Variants in HTR4 observed in about 807,000 individuals in gnomAD.
HTR4 encodes the protein 5-hydroxytryptamine (serotonin) receptor 4, G protein-coupled.
Under a neutral mutation model 36.8 loss-of-function variants are expected in HTR4, and 16 were observed. The observed-to-expected ratio is 0.43, with a 90% confidence interval of 0.29 to 0.66. HTR4 has a LOEUF of 0.66. Among genes scored for constraint, HTR4 ranks in the 30% least tolerant of loss-of-function variants. The pLI is 0.13. For missense variants in HTR4, 438 were observed against 490.9 expected (o/e 0.89, Z 1.02); for synonymous variants, 189 against 185.1 (o/e 1.02, Z -0.17).
chr5:148,453,937 T>C (rs1755035632), intron 5 of HTR4, among the ~76,000 whole-genome samples: 1 of 152,194 alleles, frequency 6.6e-6, no homozygotes, highest in Non-Finnish European at 1.5e-5. Context: ...ATGGTCAGAC[T>C]CTGGATATAG....
Position 148,525,604 on chromosome 5 carries a change from C to G in HTR4, c.354-2258G>C, listed in dbSNP as rs545254485. The stretch of plus-strand genomic sequence containing the variant: ...GAGGGCTTTTTATCTCAGCAGCAGC[C>G]CCCTGGTAGGGCTGGGGATTCATTC... On this transcript the variant is annotated intron_variant, in intron 4 of 6. Coordinates refer to ENST00000377888, the MANE Select transcript of HTR4 (RefSeq NM_000870.7). 4.6e-5 allele frequency among the ~76,000 whole-genome samples: 7 copies of G among 152,282 alleles called. No homozygotes were observed. The South Asian group carries it at 1.5e-3, about 32-fold the overall frequency.
chr5:148,497,273 T>G (rs1165004581), intron 6 of HTR4, among the ~76,000 whole-genome samples: 1 of 152,164 alleles, frequency 6.6e-6, no homozygotes, highest in Non-Finnish European at 1.5e-5. Context: ...TTTTTCTTAA[T>G]TCACATACTA....
At chr5:148,550,324 C>T (rs1254353837) in intron 2 of HTR4, 62 bp from the exon 3 acceptor site, 18 of 1,597,542 alleles carry the variant, frequency 1.1e-5, no homozygotes, top group Non-Finnish European at 1.4e-5. Flanking sequence ...AAGGAAAATT[C>T]GTCTTTTCAT....
chr5:148,523,072 A>G, intron 5 of HTR4, 121 bp downstream of exon 5: 1 of 995,176 alleles, frequency 1.0e-6, no homozygotes, highest in Non-Finnish European at 1.5e-6. Flanking sequence ...TAAAAAAAAA[A>G]ATTATCACCC....
chr5:148,552,611 C>A (rs1759754034), intron 2 of HTR4, among the ~76,000 whole-genome samples: 1 of 152,192 alleles, frequency 6.6e-6, no homozygotes, highest in Non-Finnish European at 1.5e-5. Flanking sequence ...GTCATTCAGG[C>A]CTCAGATTAA....
chr5:148,618,501 T>G (rs527385895), intron 2 of HTR4, among the ~76,000 whole-genome samples: 1 of 152,314 alleles, frequency 6.6e-6, no homozygotes, highest in South Asian at 2.1e-4. Context: ...TTTCTTCATC[T>G]CCTGCCTTGG....
chr5:148,482,621 A>G lies in HTR4; in HGVS notation c.*582T>C. The G allele has an allele frequency of 1.0e-6, 1 of 987,920 alleles. No homozygotes were observed. Among genetic ancestry groups the G allele is most frequent in the Non-Finnish European group, 1.2e-6 (1 of 831,434 alleles). The allele number at this position is 987,920 out of a possible 1,614,324, so 61.2% of individuals were successfully genotyped here. A position where few individuals can be genotyped will look rare whatever the true frequency, so the allele number is the denominator to read the frequency against. ...ACTGACAAGGGGGCCAACCAAGAGGATGCACGTTTGGACCCAGACACAGGG... is the reference window on the plus strand; with the variant it reads ...ACTGACAAGGGGGCCAACCAAGAGGGTGCACGTTTGGACCCAGACACAGGG... On this transcript the variant is annotated 3_prime_UTR_variant, in exon 7 of 7. Transcript: ENST00000377888.
intron 6 of HTR4, among the ~76,000 whole-genome samples, chr5:148,494,796 G>A (rs1756613738): frequency 6.6e-6 from 1 of 152,132 alleles, no homozygotes; most frequent in Non-Finnish European, 1.5e-5. Context: ...TGAACACTTG[G>A]AATATAACTA....
At chr5:148,612,860 C>T (rs1312366861) in intron 2 of HTR4, among the ~76,000 whole-genome samples, 4 of 145,636 alleles carry the variant, frequency 2.7e-5, no homozygotes, top group Admixed American at 2.7e-4. Context: ...CACCACCGAT[C>T]CCACAGAAAT....
chr5:148,484,677 C>T (rs747883034), intron 6 of HTR4, among the ~76,000 whole-genome samples: 1 of 152,118 alleles, frequency 6.6e-6, no homozygotes, highest in African/African-American at 2.4e-5. Context: ...CTCTTCTTTC[C>T]AGTTGGAAGT....
At chr5:148,613,711 T>C (rs1484055642) in intron 2 of HTR4, among the ~76,000 whole-genome samples, 1 of 148,392 alleles carries the variant, frequency 6.7e-6, no homozygotes, top group East Asian at 2.0e-4. Flanking sequence ...AAATAAAGGG[T>C]ATTCAATTAG....
At chr5:148,612,267 C>T (rs1752466783) in intron 2 of HTR4, among the ~76,000 whole-genome samples, 1 of 151,486 alleles carries the variant, frequency 6.6e-6, no homozygotes, top group East Asian at 1.9e-4. Flanking sequence ...AAATTGACCA[C>T]ATACTTGGAA....
intron 5 of HTR4, among the ~76,000 whole-genome samples, chr5:148,470,883 T>C (rs1336736022): frequency 6.6e-6 from 1 of 152,094 alleles, no homozygotes; most frequent in Non-Finnish European, 1.5e-5. Context: ...GAGACGGGGT[T>C]TCACCATGTT....
intron 2 of HTR4, among the ~76,000 whole-genome samples, chr5:148,568,477 A>T (rs1378440509): frequency 6.6e-6 from 1 of 152,124 alleles, no homozygotes; most frequent in East Asian, 1.9e-4. Flanking sequence ...AGGGAGACAG[A>T]TAAGGTCCCT....
At chr5:148,464,163 T>C (rs1489362759) in intron 5 of HTR4, among the ~76,000 whole-genome samples, 1 of 150,082 alleles carries the variant, frequency 6.7e-6, no homozygotes, top group Admixed American at 6.7e-5. Flanking sequence ...TAGGAAAAAA[T>C]CTAGACAACT....
rs540545476 is a variant in HTR4 at position 148,636,050 on chromosome 5, C to A, written c.26+939G>T. 4.6e-5 allele frequency among the ~76,000 whole-genome samples: 7 copies of A among 152,110 alleles called. No individual in the cohort carries two copies. The East Asian group carries it at 1.3e-3, about 29-fold the overall frequency. On this transcript the variant is annotated intron_variant, in intron 2 of 6. Transcript: ENST00000377888. ...CTCTTTATTAAATACCCACCATGTA[C>A]CAGGGATTTTGCCAGGGATCATGAA... is the stretch of plus-strand genomic sequence containing the variant.
chr5:148,483,407 T>C, intron 6 of HTR4, 114 bp from the exon 7 acceptor site: 2 of 916,412 alleles, frequency 2.2e-6, no homozygotes, highest in Non-Finnish European at 3.4e-6. Context: ...GATGAGTAGC[T>C]ATTTGGCTTC....
chr5:148,524,239 G>A lies in HTR4; in HGVS notation c.354-893C>T, dbSNP rs532655316. Among the ~76,000 whole-genome samples the A allele has an allele frequency of 2.7e-4, 41 of 152,238 alleles. No homozygotes were observed. The Middle Eastern group carries it at 0.01, about 38-fold the overall frequency. On this transcript the variant is annotated intron_variant, in intron 4 of 6. Coordinates refer to ENST00000377888, the MANE Select transcript of HTR4 (RefSeq NM_000870.7). The stretch of plus-strand genomic sequence containing the variant: ...CACGTACACTTCTTGGCATCCTTAC[G>A]GCTGGATAGGACCAAGGGACTAGTC...
chr5:148,637,056 A>G lies in HTR4; in HGVS notation c.-42T>C. On this transcript the variant is annotated 5_prime_UTR_variant, in exon 2 of 7. Transcript: ENST00000377888. The stretch of plus-strand genomic sequence containing the variant: ...GAGTGAGTTGGATTTCAATGCCCAC[A>G]GGGTCCTAAAATGGGGGAAGTAAAA... The G allele has an allele frequency of 1.2e-6, 2 of 1,604,516 alleles. No homozygotes were observed. Among genetic ancestry groups the G allele is most frequent in the Non-Finnish European group, 1.7e-6 (2 of 1,172,082 alleles).
Sources: allele counts gnomAD v4.1 joint callset (sites outside exome capture counted in the v4.1 genomes callset), GRCh38; gene constraint gnomAD v4.1.1; transcripts MANE v1.5; gene names NCBI Gene and HGNC (gene_info 2026-07-23, HGNC 2026-07-21).